Variants in MIPEP observed in about 807,000 individuals in gnomAD.
MIPEP encodes mitochondrial intermediate peptidase.
MIPEP carries 79 observed loss-of-function variants against 90.3 expected under a neutral mutation model. The ratio of observed to expected loss-of-function variants is 0.87; its 90% confidence interval spans 0.73 to 1.05. MIPEP has a LOEUF of 1.05. Ranked by LOEUF, MIPEP falls within the 50% of genes least tolerant of loss-of-function variation. The pLI is 0.00. For synonymous variants in MIPEP, 334 were observed against 315.8 expected, an observed-to-expected ratio of 1.06 and a Z score of -0.61; for missense variants, 940 against 905.6, an observed-to-expected ratio of 1.04 and a Z score of -0.49.
intron 3 of MIPEP, among the ~76,000 whole-genome samples, chr13:23,880,859 TCTC>T (rs1376520266): frequency 9.9e-5 from 15 of 152,246 alleles, no homozygotes; most frequent in Admixed American, 2.6e-4. Flanking sequence ...AAGCCATCAC[TCTC>T]CTCCTCCAAC....
chr13:23,751,604 C>A (rs566053550), intron 18 of MIPEP, among the ~76,000 whole-genome samples: 3 of 152,346 alleles, frequency 2.0e-5, no homozygotes, highest in East Asian at 3.9e-4. Flanking sequence ...CAAATAACCT[C>A]CTGGAATGCT....
chr13:23,875,348 T>C (rs1008161485), intron 4 of MIPEP, among the ~76,000 whole-genome samples: 1 of 152,154 alleles, frequency 6.6e-6, no homozygotes, highest in East Asian at 1.9e-4. Flanking sequence ...CAGTTTTATA[T>C]TTGGACAATT....
intron 14 of MIPEP, among the ~76,000 whole-genome samples, chr13:23,825,381 T>C (rs761983041): frequency 1.2e-4 from 18 of 152,360 alleles, no homozygotes; most frequent in Non-Finnish European, 1.8e-4. Context: ...CAAGTATGTA[T>C]GTCTCCTTGA....
intron 11 of MIPEP, 32 bp from the exon 12 acceptor site, chr13:23,839,758 T>C (rs781386299): frequency 6.8e-7 from 1 of 1,479,130 alleles, no homozygotes; most frequent in South Asian, 1.2e-5. Flanking sequence ...TGGTGGTAAA[T>C]GAGGCCATCT....
chr13:23,811,476 G>A (rs1398911087), intron 14 of MIPEP, among the ~76,000 whole-genome samples: 1 of 152,016 alleles, frequency 6.6e-6, no homozygotes, highest in Non-Finnish European at 1.5e-5. Flanking sequence ...GCTTGTTTGG[G>A]GACTGAAGCC....
intron 16 of MIPEP, among the ~76,000 whole-genome samples, chr13:23,778,236 T>A (rs556641082): frequency 1.3e-5 from 2 of 152,160 alleles, no homozygotes; most frequent in Non-Finnish European, 2.9e-5. Flanking sequence ...CAAAAAAACA[T>A]ACACATGTGA....
intron 10 of MIPEP, among the ~76,000 whole-genome samples, chr13:23,857,086 T>G (rs1870076092): frequency 6.6e-6 from 1 of 152,008 alleles, no homozygotes; most frequent in African/African-American, 2.4e-5. Flanking sequence ...TACAAATAAA[T>G]TTTATTACTG....
At chr13:23,795,430 T>C (rs1395449912) in intron 16 of MIPEP, among the ~76,000 whole-genome samples, 2 of 152,160 alleles carry the variant, frequency 1.3e-5, no homozygotes, top group African/African-American at 4.8e-5. Context: ...AAAGCAACCC[T>C]AAGATTTCTG....
At chr13:23,834,324 G>C (rs945558356) in intron 14 of MIPEP, among the ~76,000 whole-genome samples, 2 of 152,146 alleles carry the variant, frequency 1.3e-5, no homozygotes, top group African/African-American at 4.8e-5. Context: ...CCATATGCCC[G>C]TGTTTTTCCC....
At chr13:23,881,643 A>G (rs113985780) in intron 3 of MIPEP, 56 bp downstream of exon 3, 2 of 1,447,296 alleles carry the variant, frequency 1.4e-6, no homozygotes, top group East Asian at 4.6e-5. Context: ...GCACAAGTCC[A>G]TGAAACCGGA....
chr13:23,852,809 C>T (rs1056695932), intron 10 of MIPEP, among the ~76,000 whole-genome samples: 1 of 152,182 alleles, frequency 6.6e-6, no homozygotes, highest in Non-Finnish European at 1.5e-5. Context: ...GGGATGGCAG[C>T]TCCATGCCTG....
chr13:23,779,501 A>G (rs911558329), intron 16 of MIPEP, among the ~76,000 whole-genome samples: 5 of 152,164 alleles, frequency 3.3e-5, no homozygotes, highest in African/African-American at 1.2e-4. Context: ...ACGAATAGGA[A>G]CAGCTCCAGT....
At chr13:23,879,611 C>G (rs1566027545) in intron 3 of MIPEP, among the ~76,000 whole-genome samples, 1 of 151,980 alleles carries the variant, frequency 6.6e-6, no homozygotes, top group Admixed American at 6.5e-5. Context: ...CAGCTCACTG[C>G]AGCCTCAATC....
At chr13:23,759,920 G>A (rs1282191440) in intron 17 of MIPEP, among the ~76,000 whole-genome samples, 176 bp downstream of exon 17, 1 of 152,178 alleles carries the variant, frequency 6.6e-6, no homozygotes, top group East Asian at 1.9e-4. Context: ...CGGGAAGCAG[G>A]AGCAAGCTTG....
intron 16 of MIPEP, among the ~76,000 whole-genome samples, chr13:23,794,913 C>T (rs921018851): frequency 1.3e-5 from 2 of 152,190 alleles, no homozygotes; most frequent in South Asian, 2.1e-4. Context: ...ATAAATAAAC[C>T]TAGCATGACA....
At chr13:23,746,250 G>A (rs1423002644) in intron 18 of MIPEP, among the ~76,000 whole-genome samples, 1 of 151,428 alleles carries the variant, frequency 6.6e-6, no homozygotes, top group Non-Finnish European at 1.5e-5. Flanking sequence ...CGGACCTCAG[G>A]TGATCCACCC....
intron 16 of MIPEP, among the ~76,000 whole-genome samples, chr13:23,767,455 A>T (rs1214583513): frequency 2.7e-5 from 4 of 148,222 alleles, no homozygotes; most frequent in Admixed American, 1.3e-4. Context: ...ATCTTTGTAA[A>T]TTTTTTTTTT....
intron 16 of MIPEP, among the ~76,000 whole-genome samples, chr13:23,779,495 A>G (rs533021408): frequency 6.6e-6 from 1 of 152,212 alleles, no homozygotes; most frequent in Admixed American, 6.5e-5. Flanking sequence ...AGATGGACGA[A>G]TAGGAACAGC....
chr13:23,817,679 T>G lies in MIPEP; in HGVS notation c.1654-7755A>C, dbSNP rs141480758. The stretch of plus-strand genomic sequence containing the variant: ...ACAAGAAGGTGGAGTCTGTGAGGCA[T>G]GCTGCAGGTGTGTAACGTCGGGCTT... On this transcript the variant is annotated intron_variant, in intron 14 of 18. Coordinates refer to ENST00000382172, the MANE Select transcript of MIPEP (RefSeq NM_005932.4). Among the ~76,000 whole-genome samples the G allele has an allele frequency of 8.8e-4, 134 of 152,288 alleles. 1 individual carries two copies. The highest frequency in any genetic ancestry group is 3.1e-3 in the African/African-American group (129 of 41,564).
Sources: allele counts gnomAD v4.1 joint callset (sites outside exome capture counted in the v4.1 genomes callset), GRCh38; gene constraint gnomAD v4.1.1; transcripts MANE v1.5; gene names NCBI Gene and HGNC (gene_info 2026-07-23, HGNC 2026-07-21).